Variants in NUP153 observed in about 807,000 individuals in gnomAD.
The protein encoded by NUP153 is nucleoporin 153.
A neutral mutation model predicts 134.6 loss-of-function variants in NUP153; 27 were observed. That is an observed-to-expected ratio of 0.20 (90% CI 0.15 to 0.28). The LOEUF (loss-of-function observed/expected upper bound fraction) is 0.28. Ranked by LOEUF, NUP153 falls within the 10% of genes least tolerant of loss-of-function variation. NUP153 has a pLI of 1.00. For synonymous variants in NUP153, 640 were observed against 623.5 expected (o/e 1.03, Z -0.40); for missense variants, 1,821 against 1,731.3 (o/e 1.05, Z -0.92).
intron 2 of NUP153, among the ~76,000 whole-genome samples, chr6:17,677,416 T>G (rs1008750635): frequency 6.6e-6 from 1 of 150,618 alleles, no homozygotes; most frequent in Non-Finnish European, 1.5e-5. Flanking sequence ...TGCACGGGGG[T>G]AGGGGGTGGG....
chr6:17,647,773 A>G (rs1326859634), intron 13 of NUP153, 34 bp downstream of exon 13: 2 of 1,247,538 alleles, frequency 1.6e-6, no homozygotes, highest in African/African-American at 3.0e-5. Flanking sequence ...CTTTGAAATC[A>G]GTAAATATAT....
intron 19 of NUP153, 62 bp from the exon 20 acceptor site, chr6:17,624,895 A>T: frequency 1.4e-6 from 2 of 1,443,832 alleles, no homozygotes; most frequent in Non-Finnish European, 1.8e-6. Context: ...TCCTCAAGAA[A>T]TTTCTGTAAA....
At chr6:17,665,180 T>TTTAGTC in intron 9 of NUP153, 59 bp downstream of exon 9, 9 of 1,295,776 alleles carry the variant, frequency 6.9e-6, no homozygotes, top group Non-Finnish European at 9.8e-6. Flanking sequence ...TTTTACATTA[T>TTTAGTC]TTAGTCTTAC....
intron 11 of NUP153, among the ~76,000 whole-genome samples, chr6:17,656,151 GC>G (rs34394855): frequency 0.2 from 30,003 of 152,168 alleles, 3,848 homozygotes; most frequent in Non-Finnish European, 0.28. Flanking sequence ...GTTGCAGTGA[GC>G]CAAGATTGCG....
chr6:17,637,614 A>G lies in NUP153; in HGVS notation c.2003T>C (p.Leu668Pro). The change falls in exon 16 of 22, where the codon CTA becomes CCA. Residue 668 changes from leucine to proline, a missense_variant. Coordinates refer to ENST00000262077, the MANE Select transcript of NUP153 (RefSeq NM_005124.4). ...GTTGTCTGTAACTTTGTTCTGGAGT[A>G]GACATGTATCACACTGCCATGATGA... ...AGSSWQCDTC[L>P]LQNKVTDNKC... The G allele has an allele frequency of 6.2e-7, 1 of 1,614,152 alleles. No homozygotes were observed. The highest frequency in any genetic ancestry group is 1.1e-5 in the South Asian group (1 of 91,084).
intron 1 of NUP153, among the ~76,000 whole-genome samples, chr6:17,699,398 G>A (rs1769893611): frequency 1.3e-5 from 2 of 150,010 alleles, no homozygotes; most frequent in African/African-American, 2.5e-5. Context: ...CAGGAGAATT[G>A]CTTGAACCTG....
chr6:17,642,961 A>G (rs1349027591), intron 14 of NUP153, among the ~76,000 whole-genome samples: 1 of 152,376 alleles, frequency 6.6e-6, no homozygotes. Context: ...TGACATATTC[A>G]GAATAAGTCA....
intron 11 of NUP153, among the ~76,000 whole-genome samples, chr6:17,653,211 C>A (rs1766605900): frequency 6.6e-6 from 1 of 152,172 alleles, no homozygotes; most frequent in South Asian, 2.1e-4. Flanking sequence ...CAAGATCGTG[C>A]TACTGCACTC....
chr6:17,661,975 A>G, intron 10 of NUP153, 43 bp downstream of exon 10: 1 of 1,421,768 alleles, frequency 7.0e-7, no homozygotes, highest in African/African-American at 1.4e-5. Context: ...AGACCTTACA[A>G]GTTAAATATA....
chr6:17,672,874 A>G (rs185268537), intron 5 of NUP153, among the ~76,000 whole-genome samples: 2 of 152,240 alleles, frequency 1.3e-5, no homozygotes, highest in East Asian at 3.9e-4. Flanking sequence ...AATACCTCAT[A>G]CCACACACAA....
At chr6:17,637,923 C>T (rs1044146279) in intron 15 of NUP153, among the ~76,000 whole-genome samples, 153 bp from the exon 16 acceptor site, 8 of 152,168 alleles carry the variant, frequency 5.3e-5, no homozygotes, top group African/African-American at 1.9e-4. Context: ...CTTAAGTAAT[C>T]ATATTTATCA....
intron 11 of NUP153, among the ~76,000 whole-genome samples, chr6:17,657,397 A>T (rs1441513262): frequency 3.7e-4 from 55 of 149,276 alleles, no homozygotes; most frequent in South Asian, 1.3e-3. Context: ...AAAAAATAAA[A>T]AAATAAAAAA....
chr6:17,647,927 A>C, intron 12 of NUP153, 22 bp from the exon 13 acceptor site: 1 of 1,458,800 alleles, frequency 6.9e-7, no homozygotes, highest in Non-Finnish European at 9.6e-7. Flanking sequence ...AATTATTAAG[A>C]AATGATACAA....
chr6:17,689,387 C>G (rs1769141712), intron 1 of NUP153, among the ~76,000 whole-genome samples: 1 of 150,814 alleles, frequency 6.6e-6, no homozygotes, highest in African/African-American at 2.4e-5. Context: ...AACTCCATCT[C>G]AAAAAACAAA....
chr6:17,648,608 C>G lies in NUP153; in HGVS notation c.1533+555G>C, dbSNP rs117455901. ...CTCCAGCCTGGGTGACAGGGCGAGA[C>G]TCAAGCTGAAAAAATAAATAAATAT... On this transcript the variant is annotated intron_variant, in intron 12 of 21. Transcript: ENST00000262077. Among the ~76,000 whole-genome samples the G allele has an allele frequency of 6.4e-3, 978 of 151,826 alleles. 40 individuals carry two copies. In the East Asian group the frequency reaches 0.12, roughly 19 times the overall value.
chr6:17,630,963 A>G (rs2113775410), intron 17 of NUP153, among the ~76,000 whole-genome samples: 1 of 152,338 alleles, frequency 6.6e-6, no homozygotes. Flanking sequence ...GATACTTAAA[A>G]GTATGGTGAT....
chr6:17,705,583 G>A lies in NUP153; in HGVS notation c.111+694C>T, dbSNP rs367846665. On this transcript the variant is annotated intron_variant, in intron 1 of 21. Transcript: ENST00000262077. ...CCAAAATAAAGGCGGGGGTGGCGGT[G>A]TTGGGGGGGGGGAGGGGAGTCGCGC... is the stretch of plus-strand genomic sequence containing the variant. Among the ~76,000 whole-genome samples, 12 of 133,190 alleles carry A rather than the reference G, an allele frequency of 9.0e-5. 1 individual carries two copies. The South Asian group carries it at 3.0e-3, about 34-fold the overall frequency. The allele number at this position is 133,190 out of a possible 152,430, so 87.4% of individuals were successfully genotyped here. A position where few individuals can be genotyped will look rare whatever the true frequency, so the allele number is the denominator to read the frequency against.
chr6:17,689,254 G>A (rs1262045288), intron 1 of NUP153, among the ~76,000 whole-genome samples: 1 of 151,918 alleles, frequency 6.6e-6, no homozygotes, highest in Non-Finnish European at 1.5e-5. Context: ...GGGCATGGTG[G>A]CGCATGCCTA....
intron 2 of NUP153, among the ~76,000 whole-genome samples, chr6:17,679,531 G>A (rs554288163): frequency 6.6e-6 from 1 of 152,074 alleles, no homozygotes; most frequent in African/African-American, 2.4e-5. Context: ...AATTCATATG[G>A]AATCTCAAGG....
Sources: gnomAD v4.1 joint callset for allele counts (sites outside exome capture counted in the v4.1 genomes callset) on GRCh38, gnomAD v4.1.1 for gene constraint, MANE v1.5 for transcripts, NCBI Gene and HGNC (gene_info 2026-07-23, HGNC 2026-07-21) for gene names.